Variants in PHACTR3 observed in about 807,000 individuals in gnomAD.
PHACTR3 encodes the protein protein phosphatase 1, regulatory subunit 123.
PHACTR3 carries 16 observed loss-of-function variants against 66.8 expected under a neutral mutation model. The ratio of observed to expected loss-of-function variants is 0.24; its 90% CI spans 0.16 to 0.36. The LOEUF is 0.36. Ranked by LOEUF, PHACTR3 falls within the 10% of genes least tolerant of loss-of-function variation. The probability of loss-of-function intolerance (pLI) is 1.00; values close to 1 mark genes in which losing one functional copy is unlikely to be tolerated. For synonymous variants in PHACTR3, 323 were observed against 292.1 expected (o/e 1.11, Z -1.08); for missense variants, 647 against 719.9 (o/e 0.90, Z 1.16).
At chr20:59,604,343 G>T (rs139832499), upstream of PHACTR3, among the ~76,000 whole-genome samples, 2 of 152,002 alleles carry the variant, frequency 1.3e-5, no homozygotes, top group African/African-American at 4.8e-5. Flanking sequence ...TCTAGAGCAC[G>T]GCTTGGTGGG....
At chr20:59,608,801 C>T (rs937901895) in intron 1 of PHACTR3, among the ~76,000 whole-genome samples, 1 of 152,206 alleles carries the variant, frequency 6.6e-6, no homozygotes, top group Non-Finnish European at 1.5e-5. Context: ...TTCCCCACCC[C>T]AGGGAACTCT....
At chr20:59,759,306 C>T (rs1013122320) in intron 4 of PHACTR3, among the ~76,000 whole-genome samples, 3 of 152,210 alleles carry the variant, frequency 2.0e-5, no homozygotes, top group Admixed American at 6.5e-5. Context: ...TCCCTATAAA[C>T]GGGGTATAAC....
chr20:59,718,538 C>T (rs563066272), intron 1 of PHACTR3, among the ~76,000 whole-genome samples: 11 of 150,938 alleles, frequency 7.3e-5, no homozygotes, highest in South Asian at 2.1e-4. Flanking sequence ...GGTACAGCAT[C>T]GTGAAAGGCC....
intron 1 of PHACTR3, among the ~76,000 whole-genome samples, chr20:59,584,067 A>T (rs2032943578): frequency 6.6e-6 from 1 of 152,206 alleles, no homozygotes; most frequent in South Asian, 2.1e-4. Context: ...GTCAAAGGAA[A>T]CACAAGTGAG....
chr20:59,687,090 G>A (rs942394805), intron 1 of PHACTR3, among the ~76,000 whole-genome samples: 4 of 151,728 alleles, frequency 2.6e-5, no homozygotes, highest in African/African-American at 9.7e-5. Flanking sequence ...TGGTGATTGT[G>A]ATGATGGTGG....
chr20:59,610,239 A>T (rs553930420), intron 1 of PHACTR3, among the ~76,000 whole-genome samples: 4 of 152,298 alleles, frequency 2.6e-5, no homozygotes, highest in African/African-American at 9.6e-5. Flanking sequence ...TGCGTGACAG[A>T]GGTAGACCCT....
chr20:59,705,816 C>A (rs1362172899), intron 1 of PHACTR3, among the ~76,000 whole-genome samples: 1 of 152,202 alleles, frequency 6.6e-6, no homozygotes, highest in Non-Finnish European at 1.5e-5. Flanking sequence ...GCTGCTGGAT[C>A]ACTGGTCTTT....
At chr20:59,753,222 C>T (rs944889756) in intron 3 of PHACTR3, among the ~76,000 whole-genome samples, 4 of 152,152 alleles carry the variant, frequency 2.6e-5, no homozygotes, top group Non-Finnish European at 4.4e-5. Context: ...TCACAATGGC[C>T]ATCTGCGCCT....
At chr20:59,609,678 G>A (rs1258511529) in intron 1 of PHACTR3, among the ~76,000 whole-genome samples, 2 of 152,156 alleles carry the variant, frequency 1.3e-5, no homozygotes, top group East Asian at 1.9e-4. Flanking sequence ...GAGGGCGGAG[G>A]CAAGAGCCTC....
chr20:59,633,794 A>G (rs565312148), intron 1 of PHACTR3, among the ~76,000 whole-genome samples: 2 of 152,222 alleles, frequency 1.3e-5, no homozygotes, highest in Admixed American at 6.5e-5. Flanking sequence ...CCCACAATTT[A>G]TTACCTCCTG....
At chr20:59,674,707 CCCCCCTTCTCCTGTT>C (rs1478863221) in intron 1 of PHACTR3, among the ~76,000 whole-genome samples, 3 of 97,114 alleles carry the variant, frequency 3.1e-5, no homozygotes, top group African/African-American at 1.2e-4. Flanking sequence ...CTTCTCCTGT[CCCCCCTTCTCCTGTT>C]CCCCCTCCTC....
At chr20:59,635,101 C>CTCTTTCTTTCTTTCTTTCTT (rs1357018312) in intron 1 of PHACTR3, among the ~76,000 whole-genome samples, 31 of 92,982 alleles carry the variant, frequency 3.3e-4, no homozygotes, top group East Asian at 1.3e-3. Flanking sequence ...TTCTTTCTCT[C>CTCTTTCTTTCTTTCTTTCTT]TCTTTCTTTC....
rs541372298 is a variant in PHACTR3 at position 59,591,143 on chromosome 20, G to A, written c.109+13526G>A. On this transcript the variant is annotated intron_variant, in intron 1 of 12. Transcript: ENST00000359926. ...AGAATATTCTAGCGCATGGTGCAGC[G>A]CCAGGGATGAGGCAGCCTCCCCAGC... 6.6e-5 allele frequency among the ~76,000 whole-genome samples: 10 copies of A among 152,272 alleles called. No individual in the cohort carries two copies. The East Asian group carries it at 7.7e-4, about 12-fold the overall frequency.
chr20:59,819,011 C>G (rs561617027), intron 8 of PHACTR3, among the ~76,000 whole-genome samples: 2 of 152,192 alleles, frequency 1.3e-5, no homozygotes, highest in Admixed American at 1.3e-4. Flanking sequence ...ATCCCCTTGA[C>G]GTCTGGGGGC....
At chr20:59,698,481 A>T (rs530101610) in intron 1 of PHACTR3, among the ~76,000 whole-genome samples, 24 of 152,186 alleles carry the variant, frequency 1.6e-4, no homozygotes, top group Non-Finnish European at 3.2e-4. Context: ...TATATATTAT[A>T]ATAGTTATAC....
rs1337506017 is a variant in PHACTR3, at chr20:59,736,568, A to G, written c.119-6539A>G. ...GGTGCACACCCACCCATGCCCATGC[A>G]TGCTGGCTCTGCAGTTGCTCACCCA... is the stretch of plus-strand genomic sequence containing the variant. On this transcript the variant is annotated intron_variant, in intron 1 of 12. Coordinates refer to ENST00000371015, the MANE Select transcript of PHACTR3 (RefSeq NM_080672.5). This position sits in a 1 kb window ranked among gnomAD's most constrained non-coding sequence, Gnocchi z 4.6. Among the ~76,000 whole-genome samples, 1 of 143,508 alleles carries G rather than the reference A, an allele frequency of 7.0e-6. No individual in the cohort carries two copies. Among genetic ancestry groups the G allele is most frequent in the African/African-American group, 2.6e-5 (1 of 38,260 alleles). The allele number at this position is 143,508 out of a possible 152,430, so 94.1% of individuals were successfully genotyped here.
At chr20:59,725,714 G>C (rs1445653270) in intron 1 of PHACTR3, among the ~76,000 whole-genome samples, 1 of 152,208 alleles carries the variant, frequency 6.6e-6, no homozygotes, top group Non-Finnish European at 1.5e-5. Context: ...GGCAGTTGCA[G>C]CCTGACCCTG....
intron 1 of PHACTR3, among the ~76,000 whole-genome samples, chr20:59,725,335 C>T (rs2038522558): frequency 6.6e-6 from 1 of 151,662 alleles, no homozygotes; most frequent in South Asian, 2.1e-4. Flanking sequence ...GGGTGTGAGC[C>T]CAGGTGTGCC....
chr20:59,844,063 T>C (rs1218000261), intron 11 of PHACTR3: 1 of 151,956 alleles, frequency 6.6e-6, no homozygotes, highest in Non-Finnish European at 1.5e-5. Context: ...AACAGGTATA[T>C]GGAAAAAATG....
Sources: allele counts gnomAD v4.1 joint callset (sites outside exome capture counted in the v4.1 genomes callset), GRCh38; gene constraint gnomAD v4.1.1; non-coding constraint Gnocchi (gnomAD v3.1); transcripts MANE v1.5; gene names NCBI Gene and HGNC (gene_info 2026-07-23, HGNC 2026-07-21).